Variants in ANKRD6 observed in about 807,000 individuals in gnomAD.
The protein encoded by ANKRD6 is ankyrin repeat domain 6.
Under a neutral mutation model 82.3 loss-of-function variants are expected in ANKRD6, and 56 were observed. The ratio of observed to expected loss-of-function variants is 0.68; its 90% CI spans 0.55 to 0.85. The LOEUF (loss-of-function observed/expected upper bound fraction) is 0.85, where lower values mean the gene tolerates loss of function less well. ANKRD6 is among the 40% of genes least tolerant of loss of function. ANKRD6 has a pLI of 0.00. For synonymous variants in ANKRD6, 347 were observed against 352.1 expected, an observed-to-expected ratio of 0.99 and a Z score of 0.16; for missense variants, 852 against 907.6, an observed-to-expected ratio of 0.94 and a Z score of 0.79.
At chr6:89,529,579 T>C (rs919599764) in intron 1 of ANKRD6, among the ~76,000 whole-genome samples, 1 of 152,266 alleles carries the variant, frequency 6.6e-6, no homozygotes, top group Non-Finnish European at 1.5e-5. Flanking sequence ...TAAGAACTTT[T>C]CCTTTGCATT....
chr6:89,612,911 G>A (rs1407337223), intron 6 of ANKRD6, among the ~76,000 whole-genome samples: 1 of 152,192 alleles, frequency 6.6e-6, no homozygotes, highest in East Asian at 1.9e-4. Context: ...AGCCACGTTG[G>A]CTAAATAAAT....
chr6:89,495,591 G>A (rs1778514875), intron 1 of ANKRD6, among the ~76,000 whole-genome samples: 1 of 152,144 alleles, frequency 6.6e-6, no homozygotes, highest in Non-Finnish European at 1.5e-5. Context: ...TCAGGTGTAG[G>A]GAAGCCCTAC....
intron 1 of ANKRD6, among the ~76,000 whole-genome samples, chr6:89,488,167 GC>G (rs1381309811): frequency 1.3e-5 from 2 of 152,208 alleles, no homozygotes; most frequent in Admixed American, 1.3e-4. Flanking sequence ...GACCTAGCCA[GC>G]CTGGCCTTCA....
intron 2 of ANKRD6, among the ~76,000 whole-genome samples, chr6:89,569,483 T>C (rs939698019): frequency 3.9e-5 from 6 of 152,232 alleles, no homozygotes; most frequent in African/African-American, 1.4e-4. Flanking sequence ...TCTGTTTATT[T>C]CTTTATCAGT....
At position 89,629,138 on chromosome 6, in the gene ANKRD6, C is replaced by G; in HGVS notation, c.1512C>G (p.Thr504=). The part of the protein sequence containing the change: ...RQISLVDELK[T]WCMLKIQNLE... ...TATCCTTGGTGGATGAATTAAAAAC[C>G]TGGTGCATGTTAAAGATTCAGAATC... is the stretch of plus-strand genomic sequence containing the variant. The change falls in exon 15 of 16, where the codon ACC becomes ACG. Residue 504 remains threonine (T), a synonymous_variant. Coordinates refer to ENST00000339746, the MANE Select transcript of ANKRD6 (RefSeq NM_001242809.2). The G allele has an allele frequency of 1.2e-6, 2 of 1,613,302 alleles. No homozygotes were observed. Among genetic ancestry groups the G allele is most frequent in the Non-Finnish European group, 1.7e-6 (2 of 1,179,754 alleles).
chr6:89,475,888 G>C (rs538777605), intron 1 of ANKRD6, among the ~76,000 whole-genome samples: 1 of 152,344 alleles, frequency 6.6e-6, no homozygotes, highest in South Asian at 2.1e-4. Context: ...GGGAGTGTTT[G>C]TGGGAAGCCT....
chr6:89,551,935 C>T (rs144321123), intron 1 of ANKRD6, among the ~76,000 whole-genome samples: 3 of 152,296 alleles, frequency 2.0e-5, no homozygotes, highest in Non-Finnish European at 4.4e-5. Context: ...TCTCTTCCTG[C>T]GGCCTTCACA....
At chr6:89,483,572 C>T (rs1313757822) in intron 1 of ANKRD6, 1 of 152,284 alleles carries the variant, frequency 6.6e-6, no homozygotes, top group African/African-American at 2.4e-5. Context: ...AGTATTCACT[C>T]TTGTAAAACT....
rs1807535316 is a variant in ANKRD6 at position 89,632,207 on chromosome 6, T to G, written c.*1203T>G. 2 of 152,334 alleles carry G rather than the reference T, an allele frequency of 1.3e-5. No individual in the cohort carries two copies. Among genetic ancestry groups the G allele is most frequent in the South Asian group, 4.1e-4 (2 of 4,834 alleles). The allele number at this position is 152,334 out of a possible 1,614,324, so 9.4% of individuals were successfully genotyped here. A position where few individuals can be genotyped will look rare whatever the true frequency, so the allele number is the denominator to read the frequency against. On this transcript the variant is annotated 3_prime_UTR_variant, in exon 16 of 16. Coordinates refer to ENST00000339746, the MANE Select transcript of ANKRD6 (RefSeq NM_001242809.2). ...ACCTAGTGACTATTGAACGTAATTG[T>G]AATAAAATGCTGCTCATTGAGCCAA...
chr6:89,472,785 G>A (rs1160737762), intron 1 of ANKRD6, among the ~76,000 whole-genome samples: 2 of 152,012 alleles, frequency 1.3e-5, no homozygotes, highest in Non-Finnish European at 1.5e-5. Context: ...CGGTTCTGCC[G>A]GTGCCCTGGT....
At chr6:89,597,670 A>C (rs1290466064) in intron 3 of ANKRD6, among the ~76,000 whole-genome samples, 1 of 152,236 alleles carries the variant, frequency 6.6e-6, no homozygotes, top group Non-Finnish European at 1.5e-5. Context: ...GCAGAAGAAA[A>C]GCCAGCTCTA....
intron 5 of ANKRD6, among the ~76,000 whole-genome samples, chr6:89,608,581 C>T (rs977859337): frequency 2.0e-5 from 3 of 151,928 alleles, no homozygotes; most frequent in Non-Finnish European, 2.9e-5. Context: ...CCTTTGTGAA[C>T]GTAATCTCTG....
intron 1 of ANKRD6, among the ~76,000 whole-genome samples, chr6:89,480,786 G>GC (rs1020474846): frequency 4.8e-5 from 7 of 144,594 alleles, no homozygotes; most frequent in Non-Finnish European, 9.1e-5. Context: ...TTTTTTTTTT[G>GC]TTTTTTTTTG....
chr6:89,447,532 G>A (rs890758795), intron 1 of ANKRD6, among the ~76,000 whole-genome samples: 1 of 152,176 alleles, frequency 6.6e-6, no homozygotes, highest in South Asian at 2.1e-4. Flanking sequence ...AAAAGTGCAA[G>A]GTAAAGCAGC....
At chr6:89,540,607 C>G (rs1309211561) in intron 1 of ANKRD6, among the ~76,000 whole-genome samples, 1 of 152,086 alleles carries the variant, frequency 6.6e-6, no homozygotes, top group East Asian at 1.9e-4. Context: ...GTTTCCTTTG[C>G]TGTGCAGAAG....
At chr6:89,511,798 T>A (rs1190132629) in intron 1 of ANKRD6, among the ~76,000 whole-genome samples, 1 of 152,210 alleles carries the variant, frequency 6.6e-6, no homozygotes, top group Non-Finnish European at 1.5e-5. Flanking sequence ...GATTACCTTA[T>A]GATTTGCAAA....
At position 89,487,394 on chromosome 6, in the gene ANKRD6, T is replaced by A. The variant is rs151292913; in HGVS notation, c.-144+54019T>A. Among the ~76,000 whole-genome samples, 4 of 152,346 alleles carry A rather than the reference T, an allele frequency of 2.6e-5. No homozygotes were observed. The East Asian group carries it at 7.7e-4, about 29-fold the overall frequency. On this transcript the variant is annotated intron_variant, in intron 1 of 15. Coordinates refer to ENST00000339746, the MANE Select transcript of ANKRD6 (RefSeq NM_001242809.2). ...CAGAGTATTACTTTAGGATCATTTT[T>A]AAAATGTGGAATTTCTGAGCCAAAG... is the stretch of plus-strand genomic sequence containing the variant.
rs1457249431 is a variant in ANKRD6 at position 89,628,895 on chromosome 6, C to T, written c.1486-217C>T. 2.2e-5 allele frequency: 12 copies of T among 540,546 alleles called. No homozygotes were observed. In the East Asian group the frequency reaches 2.7e-4, roughly 12 times the overall value. The allele number at this position is 540,546 out of a possible 1,614,324, so 33.5% of individuals were successfully genotyped here. A position where few individuals can be genotyped will look rare whatever the true frequency, so the allele number is the denominator to read the frequency against. On this transcript the variant is annotated intron_variant, in intron 14 of 15. Coordinates refer to ENST00000339746, the MANE Select transcript of ANKRD6 (RefSeq NM_001242809.2). ...CACAAACACCTCCCATGAGGCCCCA[C>T]CTCCAACACTGGGGATCAAATTTCA...
Position 89,438,523 on chromosome 6 carries a change from T to TA in ANKRD6, c.-144+5153dup, listed in dbSNP as rs1195827751. On this transcript the variant is annotated intron_variant, in intron 1 of 15. Transcript: ENST00000339746. Reference sequence around the variant, plus strand: ...CCCTGGCTGGGCAACTGTTTCTTAGTAAAAATAATTTACTTTGGGAAAGGA... The same window carrying TA: ...CCCTGGCTGGGCAACTGTTTCTTAGTAAAAAATAATTTACTTTGGGAAAGGA... Among the ~76,000 whole-genome samples the TA allele has an allele frequency of 5.9e-5, 9 of 152,354 alleles. No homozygotes were observed. In the East Asian group the frequency reaches 1.3e-3, roughly 23 times the overall value.
Sources: gnomAD v4.1 joint callset for allele counts (sites outside exome capture counted in the v4.1 genomes callset) on GRCh38, gnomAD v4.1.1 for gene constraint, MANE v1.5 for transcripts, NCBI Gene and HGNC (gene_info 2026-07-23, HGNC 2026-07-21) for gene names.